The following MYCBP2 variants were observed in gnomAD, a reference collection of about 807,000 sequenced individuals.
MYCBP2 encodes E3 ubiquitin-protein ligase MYCBP2.
MYCBP2 carries 120 observed loss-of-function variants against 525.3 expected under a neutral mutation model. The observed-to-expected ratio is 0.23, with a 90% CI of 0.20 to 0.27. The LOEUF is 0.27. Ranked by LOEUF, MYCBP2 falls within the 10% of genes least tolerant of loss-of-function variation. The pLI is 1.00. For synonymous variants in MYCBP2, 1,894 were observed against 1,955.8 expected (o/e 0.97, Z 0.83); for missense variants, 4,149 against 5,657.1 (o/e 0.73, Z 8.55).
intron 52 of MYCBP2, among the ~76,000 whole-genome samples, chr13:77,128,917 T>C (rs1246631233): frequency 6.6e-6 from 1 of 152,120 alleles, no homozygotes; most frequent in South Asian, 2.1e-4. Flanking sequence ...GATATAGTCA[T>C]TGGAAAAGCT....
chr13:77,290,588 G>C (rs1255946235), intron 2 of MYCBP2, among the ~76,000 whole-genome samples: 1 of 152,004 alleles, frequency 6.6e-6, no homozygotes, highest in Non-Finnish European at 1.5e-5. Flanking sequence ...TTGCCAAGTG[G>C]GGAAAAAAAG....
chr13:77,169,357 C>G (rs955070563), intron 39 of MYCBP2, among the ~76,000 whole-genome samples: 1 of 137,322 alleles, frequency 7.3e-6, no homozygotes, highest in Non-Finnish European at 1.5e-5. Context: ...GATCGCGCCA[C>G]AGCACTCCCG....
chr13:77,308,871 A>G (rs1013809084), intron 1 of MYCBP2, among the ~76,000 whole-genome samples: 2 of 152,210 alleles, frequency 1.3e-5, no homozygotes, highest in East Asian at 1.9e-4. Flanking sequence ...AGACAAAGGT[A>G]TTTATCTACC....
chr13:77,148,343 C>T (rs2055940704), intron 47 of MYCBP2, among the ~76,000 whole-genome samples: 1 of 151,972 alleles, frequency 6.6e-6, no homozygotes, highest in Non-Finnish European at 1.5e-5. Context: ...TCTTTAACCT[C>T]AATAACTTCA....
In MYCBP2 at chr13:77,103,729, T is replaced by C. The variant is rs144875480; in HGVS notation, c.8141-4716A>G. Among the ~76,000 whole-genome samples the C allele has an allele frequency of 4.1e-3, 618 of 152,190 alleles. 6 individuals are homozygous for C. The highest frequency in any genetic ancestry group is 0.013 in the African/African-American group (555 of 41,552). On this transcript the variant is annotated intron_variant, in intron 55 of 82. Transcript: ENST00000544440. ...CTTATATTACTCATGGCTTAACCTA[T>C]TGTCACTTGGTTTCCTGAATGAACC...
chr13:77,196,912 T>C (rs2061818137), intron 26 of MYCBP2, among the ~76,000 whole-genome samples: 1 of 152,284 alleles, frequency 6.6e-6, no homozygotes, highest in South Asian at 2.1e-4. Flanking sequence ...AGAATACTTT[T>C]AAAAGATGTC....
intron 1 of MYCBP2, among the ~76,000 whole-genome samples, chr13:77,311,968 A>G (rs2080297115): frequency 6.6e-6 from 1 of 152,112 alleles, no homozygotes; most frequent in Non-Finnish European, 1.5e-5. Flanking sequence ...CTGAAAACCA[A>G]AAACAAAGAA....
At chr13:77,101,875 T>C (rs1048263510) in intron 55 of MYCBP2, among the ~76,000 whole-genome samples, 1 of 152,076 alleles carries the variant, frequency 6.6e-6, no homozygotes, top group African/African-American at 2.4e-5. Context: ...AAAAATTGTA[T>C]GTTGTGGCTG....
intron 15 of MYCBP2, among the ~76,000 whole-genome samples, chr13:77,250,129 A>G (rs1196508045): frequency 2.6e-5 from 4 of 151,084 alleles, no homozygotes; most frequent in Non-Finnish European, 5.9e-5. Flanking sequence ...AGGTCGAGGC[A>G]GGAGAATGGC....
chr13:77,116,336 A>C (rs1211535134), intron 55 of MYCBP2, among the ~76,000 whole-genome samples: 1 of 151,952 alleles, frequency 6.6e-6, no homozygotes, highest in Non-Finnish European at 1.5e-5. Flanking sequence ...AGCATAGGTG[A>C]TATACTAGTG....
chr13:77,132,205 G>C (rs943640882), intron 52 of MYCBP2, among the ~76,000 whole-genome samples: 3 of 151,998 alleles, frequency 2.0e-5, no homozygotes, highest in African/African-American at 7.2e-5. Context: ...ATTAAAACAC[G>C]GGTTATGTAT....
chr13:77,089,534 T>A (rs536649938), intron 60 of MYCBP2, among the ~76,000 whole-genome samples: 1 of 152,130 alleles, frequency 6.6e-6, no homozygotes, highest in Non-Finnish European at 1.5e-5. Flanking sequence ...ATCTCTCTGA[T>A]AATTGATCAC....
intron 55 of MYCBP2, among the ~76,000 whole-genome samples, chr13:77,102,473 A>G (rs747293759): frequency 3.3e-4 from 50 of 151,556 alleles, no homozygotes; most frequent in Non-Finnish European, 6.1e-4. Flanking sequence ...TTTAAATACA[A>G]GATTTTAAAA....
chr13:77,189,988 A>T (rs928886574), intron 29 of MYCBP2, among the ~76,000 whole-genome samples: 12 of 152,240 alleles, frequency 7.9e-5, no homozygotes, highest in Non-Finnish European at 1.5e-4. Context: ...GATTTTTTTT[A>T]AAGTCAGTAA....
chr13:77,288,532 T>A (rs2077128767), intron 2 of MYCBP2, among the ~76,000 whole-genome samples, 156 bp from the exon 3 acceptor site: 2 of 152,168 alleles, frequency 1.3e-5, no homozygotes, highest in Non-Finnish European at 2.9e-5. Context: ...CAACTTCTAG[T>A]CCCCTTTTCT....
At chr13:77,125,549 G>T in intron 53 of MYCBP2, 81 bp from the exon 54 acceptor site, 2 of 1,475,556 alleles carry the variant, frequency 1.4e-6, no homozygotes, top group Non-Finnish European at 1.9e-6. Context: ...AATCTTACGT[G>T]TCTGAATAGT....
rs79395926 is a variant in MYCBP2, at chr13:77,294,337, T to C, written c.378+2262A>G. ...GCAAAAAATGCCTCTTACTCATCTT[T>C]GTATCCCAAACATCCAGCATAATGC... On this transcript the variant is annotated intron_variant, in intron 2 of 82. Transcript: ENST00000544440. 7.2e-3 allele frequency among the ~76,000 whole-genome samples: 1,087 copies of C among 151,812 alleles called. 6 individuals are homozygous for C. Among genetic ancestry groups the C allele is most frequent in the Middle Eastern group, 0.021 (6 of 290 alleles).
chr13:77,159,260 T>C (rs1352994585), intron 44 of MYCBP2, among the ~76,000 whole-genome samples: 1 of 152,130 alleles, frequency 6.6e-6, no homozygotes, highest in African/African-American at 2.4e-5. Flanking sequence ...AGTTAAAAAA[T>C]TCAAACTAAA....
chr13:77,318,581 C>T (rs918081692), intron 1 of MYCBP2, among the ~76,000 whole-genome samples: 2 of 152,048 alleles, frequency 1.3e-5, no homozygotes, highest in African/African-American at 2.4e-5. Context: ...TGGTGAAACC[C>T]CACCTCTAGT....
Sources: allele counts gnomAD v4.1 joint callset (sites outside exome capture counted in the v4.1 genomes callset), GRCh38; gene constraint gnomAD v4.1.1; transcripts MANE v1.5; gene names NCBI Gene and HGNC (gene_info 2026-07-23, HGNC 2026-07-21).